Variants in MDGA2 observed in about 807,000 individuals in gnomAD.
MDGA2 encodes the protein MAM domain containing glycosylphosphatidylinositol anchor 2.
Under a neutral mutation model 117.8 loss-of-function variants are expected in MDGA2, and 40 were observed. The ratio of observed to expected loss-of-function variants is 0.34; its 90% CI spans 0.26 to 0.44. MDGA2 has a LOEUF of 0.44. Ranked by LOEUF, MDGA2 falls within the 20% of genes least tolerant of loss-of-function variation. The pLI, the probability that MDGA2 is intolerant of heterozygous loss-of-function variation, is 1.00. For missense variants in MDGA2, 1,123 were observed against 1,250.6 expected (o/e 0.90, Z 1.54); for synonymous variants, 452 against 439.0 (o/e 1.03, Z -0.37).
rs947764782 is a variant in MDGA2 at position 47,159,318 on chromosome 14, TA to T, written c.596-15045del. ...TACATGGGAATTTTAATATAACACT[TA>T]AAAAAAAATCTTACTTTTCTCACAC... is the stretch of plus-strand genomic sequence containing the variant. On this transcript the variant is annotated intron_variant, in intron 3 of 16. Coordinates refer to ENST00000399232, the MANE Select transcript of MDGA2 (RefSeq NM_001113498.3). Among the ~76,000 whole-genome samples, 53 of 151,532 alleles carry T rather than the reference TA, an allele frequency of 3.5e-4. No individual in the cohort carries two copies. The East Asian group carries it at 5.0e-3, about 14-fold the overall frequency.
At chr14:46,845,902 T>C in intron 15 of MDGA2, 31 bp from the exon 16 acceptor site, 1 of 1,509,932 alleles carries the variant, frequency 6.6e-7, no homozygotes, top group South Asian at 1.1e-5. Flanking sequence ...AACCTAAATG[T>C]GGAGCTTTGA....
rs142743375 is a variant in MDGA2, at chr14:47,567,434, C to T, written c.280+107083G>A. ...CATGTTGAATGACACACTCTAGCAA[C>T]CATTCAACATTTGCTTGCCCAAACA... is the stretch of plus-strand genomic sequence containing the variant. On this transcript the variant is annotated intron_variant, in intron 1 of 16. Transcript: ENST00000399232. 4.8e-3 allele frequency among the ~76,000 whole-genome samples: 736 copies of T among 152,260 alleles called. 8 individuals are homozygous for T. Among genetic ancestry groups the T allele is most frequent in the African/African-American group, 0.017 (693 of 41,558 alleles).
chr14:47,118,473 G>A (rs936355931), intron 5 of MDGA2, among the ~76,000 whole-genome samples: 1 of 151,972 alleles, frequency 6.6e-6, no homozygotes, highest in African/African-American at 2.4e-5. Context: ...TTTATTTCTC[G>A]AAGCTACTGA....
Position 47,637,708 on chromosome 14 carries a change from GA to G in MDGA2, c.280+36808del, listed in dbSNP as rs550339972. On this transcript the variant is annotated intron_variant, in intron 1 of 16. Transcript: ENST00000399232. ...TAAAAACTCATGCGAATTCACCATA[GA>G]AAATGTTATCCAAATTGTAAGTGCA... Among the ~76,000 whole-genome samples, 20 of 152,240 alleles carry G rather than the reference GA, an allele frequency of 1.3e-4. No individual in the cohort carries two copies. In the South Asian group the frequency reaches 4.2e-3, roughly 32 times the overall value.
intron 6 of MDGA2, among the ~76,000 whole-genome samples, chr14:47,091,219 G>T (rs957940145): frequency 3.3e-5 from 5 of 152,078 alleles, no homozygotes; most frequent in Non-Finnish European, 5.9e-5. Flanking sequence ...AATATGAGCT[G>T]ATGAACTTAA....
At chr14:47,311,329 G>A (rs1393067621) in intron 1 of MDGA2, among the ~76,000 whole-genome samples, 1 of 152,144 alleles carries the variant, frequency 6.6e-6, no homozygotes, top group Non-Finnish European at 1.5e-5. Flanking sequence ...AATTTACTGT[G>A]AAATATGACA....
In MDGA2 at chr14:47,554,795, TAGCAATCAC is replaced by T. The variant is rs1004086502; in HGVS notation, c.280+119713_280+119721del. 4.3e-3 allele frequency among the ~76,000 whole-genome samples: 648 copies of T among 152,326 alleles called. 5 individuals carry two copies. Among genetic ancestry groups the T allele is most frequent in the African/African-American group, 0.015 (615 of 41,574 alleles). ...ATACAGAGTCTTTACACTTTGGCTTTAGCAATCACTTCCTTCAAATGCTTTCTTTTATCA... is the reference window on the plus strand; with the variant it reads ...ATACAGAGTCTTTACACTTTGGCTTTTTCCTTCAAATGCTTTCTTTTATCA... On this transcript the variant is annotated intron_variant, in intron 1 of 16. Coordinates refer to ENST00000399232, the MANE Select transcript of MDGA2 (RefSeq NM_001113498.3).
intron 2 of MDGA2, among the ~76,000 whole-genome samples, chr14:47,288,286 A>G (rs2139763973): frequency 6.6e-6 from 1 of 152,252 alleles, no homozygotes; most frequent in South Asian, 2.1e-4. Context: ...CTATTTCAGA[A>G]AATTCTTTTC....
chr14:47,217,822 T>C (rs1028442956), intron 3 of MDGA2, among the ~76,000 whole-genome samples, 199 bp downstream of exon 3: 2 of 152,104 alleles, frequency 1.3e-5, no homozygotes, highest in Non-Finnish European at 2.9e-5. Context: ...ATAATGAATA[T>C]GTATTATATC....
intron 1 of MDGA2, among the ~76,000 whole-genome samples, chr14:47,630,974 G>A (rs917029217): frequency 6.6e-6 from 1 of 152,146 alleles, no homozygotes; most frequent in Non-Finnish European, 1.5e-5. Flanking sequence ...AAGCAAAACA[G>A]AAATGCTAAG....
intron 5 of MDGA2, among the ~76,000 whole-genome samples, chr14:47,128,550 A>G (rs527815885): frequency 7.9e-5 from 12 of 152,204 alleles, no homozygotes; most frequent in Non-Finnish European, 1.3e-4. Flanking sequence ...TAACATAATT[A>G]TAACCAGTTC....
chr14:47,484,250 C>T (rs1955786), intron 1 of MDGA2, among the ~76,000 whole-genome samples: 145,168 of 151,990 alleles, frequency 0.96, 69,382 homozygotes, highest in East Asian at 1. Context: ...TAAAAAAACA[C>T]ATATATATGT....
At chr14:46,924,983 A>C (rs970737717) in intron 9 of MDGA2, among the ~76,000 whole-genome samples, 4 of 152,320 alleles carry the variant, frequency 2.6e-5, no homozygotes, top group Admixed American at 2.6e-4. Context: ...CTGCAAGAAG[A>C]GAAGTTGGTA....
intron 9 of MDGA2, among the ~76,000 whole-genome samples, chr14:46,945,117 T>C (rs534607650): frequency 3.3e-5 from 5 of 152,218 alleles, no homozygotes; most frequent in South Asian, 2.1e-4. Context: ...TTTAGTTTAG[T>C]AGACAGTTCA....
chr14:46,979,144 CA>C (rs1300692549), intron 8 of MDGA2, among the ~76,000 whole-genome samples: 1 of 151,920 alleles, frequency 6.6e-6, no homozygotes, highest in African/African-American at 2.4e-5. Context: ...TTATTATATC[CA>C]AAATAGTAAC....
At chr14:47,348,171 GT>G (rs1890800216) in intron 1 of MDGA2, among the ~76,000 whole-genome samples, 2 of 147,152 alleles carry the variant, frequency 1.4e-5, no homozygotes, top group Non-Finnish European at 3.0e-5. Context: ...CTGTATATGT[GT>G]GTGTGTGTGT....
chr14:46,957,832 G>A (rs974267268), intron 8 of MDGA2, among the ~76,000 whole-genome samples, 189 bp from the exon 9 acceptor site: 1 of 152,158 alleles, frequency 6.6e-6, no homozygotes, highest in African/African-American at 2.4e-5. Context: ...CTGAGGGTAG[G>A]AAGTAAATGA....
chr14:47,557,815 A>C (rs537274414), intron 1 of MDGA2, among the ~76,000 whole-genome samples: 2 of 152,306 alleles, frequency 1.3e-5, no homozygotes, highest in East Asian at 3.9e-4. Flanking sequence ...TTGACTTATG[A>C]GTCATCTTTA....
Position 47,525,139 on chromosome 14 carries a change from T to C in MDGA2, c.280+149378A>G, listed in dbSNP as rs536237823. 2.2e-4 allele frequency among the ~76,000 whole-genome samples: 34 copies of C among 152,334 alleles called. No homozygotes were observed. The South Asian group carries it at 6.4e-3, about 29-fold the overall frequency. The stretch of plus-strand genomic sequence containing the variant: ...TTCCTTGCAGCTTGCATCCTAACTC[T>C]GTCCTCTGGATAACACAGAACAAGA... On this transcript the variant is annotated intron_variant, in intron 1 of 16. Coordinates refer to ENST00000399232, the MANE Select transcript of MDGA2 (RefSeq NM_001113498.3).
Sources: gnomAD v4.1 joint callset for allele counts (sites outside exome capture counted in the v4.1 genomes callset) on GRCh38, gnomAD v4.1.1 for gene constraint, MANE v1.5 for transcripts, NCBI Gene and HGNC (gene_info 2026-07-23, HGNC 2026-07-21) for gene names.